ZNF469: variants seen among roughly 807,000 people sequenced by gnomAD.
ZNF469 encodes zinc finger protein 469.
A neutral mutation model predicts 1.0 loss-of-function variants in ZNF469; 1 was observed. The ratio of observed to expected loss-of-function variants is 1.00; its 90% CI spans 0.35 to 4.73. ZNF469 has a LOEUF of 4.73. Among genes scored for constraint, ZNF469 ranks in the 30% most tolerant of loss-of-function variants. The probability of loss-of-function intolerance (pLI) is 0.16; values close to 1 mark genes in which losing one functional copy is unlikely to be tolerated. For missense variants in ZNF469, 6,100 were observed against 5,356.3 expected (o/e 1.14, Z -4.33); for synonymous variants, 2,703 against 2,363.4 (o/e 1.14, Z -4.17).
Position 88,435,443 on chromosome 16 carries a change from A to T in ZNF469, c.7973A>T (p.Asp2658Val), listed in dbSNP as rs776496661. ...CCAGTCTCTGCTGATGTGATTTCAG[A>T]TGGGCGCGGCTCCAGACCATCCCCT... is the stretch of plus-strand genomic sequence containing the variant. Reference protein sequence around the residue: ...ILPVSADVISDGRGSRPSPAM... With the variant: ...ILPVSADVISVGRGSRPSPAM... The change falls in exon 3 of 3, where the codon GAT becomes GTT. Residue 2658 changes from aspartate (D) to valine (V), a missense_variant. Asp to Val is a radical substitution (Grantham distance 152). Transcript: ENST00000565624. 6.5e-7 allele frequency: 1 copy of T among 1,550,042 alleles called. No homozygotes were observed. Among genetic ancestry groups the T allele is most frequent in the South Asian group, 1.2e-5 (1 of 84,058 alleles).
the ZNF469 span, among the ~76,000 whole-genome samples, chr16:88,276,184 G>A: frequency 6.6e-6 from 1 of 152,198 alleles, no homozygotes; most frequent in African/African-American, 2.4e-5. Flanking sequence ...CCCCTGCACA[G>A]GAGTCAAGGC....
the ZNF469 span, among the ~76,000 whole-genome samples, chr16:88,161,172 A>G: frequency 6.6e-6 from 1 of 151,756 alleles, no homozygotes; most frequent in African/African-American, 2.4e-5. Context: ...AAAAAAAAAA[A>G]ACGGGCTTTA....
At chr16:88,122,321 T>G in the ZNF469 span, among the ~76,000 whole-genome samples, 2 of 151,310 alleles carry the variant, frequency 1.3e-5, no homozygotes, top group South Asian at 4.2e-4. Flanking sequence ...ACTCTGTCAC[T>G]TGGTGTGGCC....
chr16:88,104,616 T>C, the ZNF469 span, among the ~76,000 whole-genome samples: 68 of 152,362 alleles, frequency 4.5e-4, no homozygotes, highest in African/African-American at 1.6e-3. Flanking sequence ...TCGCTCAGCG[T>C]CACATTCCGG....
the ZNF469 span, among the ~76,000 whole-genome samples, chr16:88,354,530 G>A: frequency 6.6e-6 from 1 of 152,158 alleles, no homozygotes; most frequent in African/African-American, 2.4e-5. Context: ...ACCGCACCCC[G>A]GTTTCCCAGC....
At chr16:88,272,562 A>G in the ZNF469 span, among the ~76,000 whole-genome samples, 21 of 151,858 alleles carry the variant, frequency 1.4e-4, no homozygotes, top group East Asian at 4.1e-3. Context: ...GGGTGTATGG[A>G]GAGATGAGTG....
chr16:88,415,308 G>T (rs1905275014), intron 1 of ZNF469, among the ~76,000 whole-genome samples: 1 of 152,156 alleles, frequency 6.6e-6, no homozygotes, highest in South Asian at 2.1e-4. Context: ...GCCGCCCAGG[G>T]CCTCGAACTG....
the ZNF469 span, among the ~76,000 whole-genome samples, chr16:88,268,694 C>T: frequency 3.9e-5 from 6 of 152,226 alleles, no homozygotes; most frequent in Admixed American, 1.3e-4. Flanking sequence ...GCTGAGGTCA[C>T]GCTTGTCACA....
chr16:88,437,855 AGGCCCG>A lies in ZNF469; in HGVS notation c.10391_10396del (p.Arg3464_Ala3465del). ...CGGAGGCCGGGAGCGCCGGGACAGA[AGGCCCG>A]GGCCCTCGAGGGCACACTGCCCAGC... On this transcript the variant is annotated inframe_deletion, in exon 3 of 3. Coordinates refer to ENST00000565624, the MANE Select transcript of ZNF469 (RefSeq NM_001367624.2). The A allele has an allele frequency of 1.3e-6, 2 of 1,539,874 alleles. No individual in the cohort carries two copies. Among genetic ancestry groups the A allele is most frequent in the Non-Finnish European group, 1.8e-6 (2 of 1,139,272 alleles).
In ZNF469 at chr16:88,429,891, C is replaced by A; in HGVS notation, c.2421C>A (p.Gly807=). 6.5e-7 allele frequency: 1 copy of A among 1,550,174 alleles called. No individual in the cohort carries two copies. The highest frequency in any genetic ancestry group is 1.4e-5 in the African/African-American group (1 of 73,154). ...FLLAGDAQAE[G]KDDPLRTGFL... is the part of the protein sequence containing the mutation. ...TAGCTGGGGACGCCCAGGCCGAGGG[C>A]AAAGACGACCCCCTGAGGACAGGCT... The change falls in exon 3 of 3, where the codon GGC becomes GGA. Residue 807 remains glycine, a synonymous_variant. Transcript: ENST00000565624.
At chr16:88,268,654 G>A in the ZNF469 span, among the ~76,000 whole-genome samples, 10 of 152,234 alleles carry the variant, frequency 6.6e-5, no homozygotes, top group Non-Finnish European at 1.5e-4. Flanking sequence ...AGCAGGACGT[G>A]TGGCTGTCGA....
chr16:88,253,356 G>A, the ZNF469 span, among the ~76,000 whole-genome samples: 1 of 152,066 alleles, frequency 6.6e-6, no homozygotes, highest in Non-Finnish European at 1.5e-5. Context: ...ACCTACACTT[G>A]GGCTTGTCTT....
In ZNF469 at chr16:88,383,232, G is replaced by GCGGAGCGGGCCT. The variant is rs1202086176; in HGVS notation, c.-205_-194dup. Among the ~76,000 whole-genome samples, 1 of 147,270 alleles carries GCGGAGCGGGCCT rather than the reference G, an allele frequency of 6.8e-6. No individual in the cohort carries two copies. The highest frequency in any genetic ancestry group is 2.4e-5 in the African/African-American group (1 of 40,968). ...TCGTTGGCGGCGGCCGGCGTGGCGGGCGGAGCGGGCCTCGGAGCGGAGGTG... is the reference window on the plus strand; with the variant it reads ...TCGTTGGCGGCGGCCGGCGTGGCGGGCGGAGCGGGCCTCGGAGCGGGCCTCGGAGCGGAGGTG... On this transcript the variant is annotated 5_prime_UTR_variant, in exon 1 of 3. Transcript: ENST00000565624.
intron 1 of ZNF469, among the ~76,000 whole-genome samples, chr16:88,412,080 C>T (rs929935186): frequency 7.9e-5 from 12 of 152,224 alleles, no homozygotes; most frequent in African/African-American, 2.7e-4. Flanking sequence ...GTGCAGGGGG[C>T]GGGGGGTCCG....
At chr16:88,258,126 AAAG>A in the ZNF469 span, among the ~76,000 whole-genome samples, 1 of 152,240 alleles carries the variant, frequency 6.6e-6, no homozygotes, top group Non-Finnish European at 1.5e-5. Flanking sequence ...TTGACAATTC[AAAG>A]AAGAAATAAT....
chr16:88,356,517 T>C, the ZNF469 span, among the ~76,000 whole-genome samples: 6 of 152,094 alleles, frequency 3.9e-5, no homozygotes, highest in Non-Finnish European at 8.8e-5. Context: ...TGTGCCTGTG[T>C]GTGTATTGCC....
At chr16:88,310,102 G>A in the ZNF469 span, among the ~76,000 whole-genome samples, 1 of 152,162 alleles carries the variant, frequency 6.6e-6, no homozygotes, top group African/African-American at 2.4e-5. Context: ...CCCTCCAGTG[G>A]TGCAGTGGGG....
chr16:88,209,075 C>G, the ZNF469 span, among the ~76,000 whole-genome samples: 4 of 152,156 alleles, frequency 2.6e-5, no homozygotes, highest in Admixed American at 6.5e-5. Flanking sequence ...TTGTTTCTAT[C>G]TGCAATCCAA....
At chr16:88,125,226 T>C in the ZNF469 span, among the ~76,000 whole-genome samples, 2 of 152,258 alleles carry the variant, frequency 1.3e-5, no homozygotes, top group Non-Finnish European at 2.9e-5. Context: ...GATCTACACA[T>C]CTATCTTTAC....
Sources: gnomAD v4.1 joint callset for allele counts (sites outside exome capture counted in the v4.1 genomes callset) on GRCh38, gnomAD v4.1.1 for gene constraint, MANE v1.5 for transcripts, NCBI Gene and HGNC (gene_info 2026-07-23, HGNC 2026-07-21) for gene names.